The following NFIB variants were observed in gnomAD, a reference collection of about 807,000 sequenced individuals.
NFIB encodes the protein nuclear factor I B, also known as nuclear factor 1 B-type.
In NFIB, 11 loss-of-function variants were observed where a neutral mutation model predicts 61.5. The observed-to-expected ratio is 0.18, with a 90% CI of 0.11 to 0.30. NFIB has a LOEUF of 0.30. Among genes scored for constraint, NFIB ranks in the 10% least tolerant of loss-of-function variants. The pLI, the probability that NFIB is intolerant of heterozygous loss-of-function variation, is 1.00. For synonymous variants in NFIB, 260 were observed against 216.5 expected (o/e 1.20, Z -1.76); for missense variants, 471 against 608.9 (o/e 0.77, Z 2.38).
At chr9:14,245,901 T>A (rs1177108293) in intron 2 of NFIB, among the ~76,000 whole-genome samples, 2 of 151,730 alleles carry the variant, frequency 1.3e-5, no homozygotes, top group African/African-American at 4.8e-5. Flanking sequence ...TAAGTACACA[T>A]AAATTATAAA....
At chr9:14,481,195 G>GTATATATATATATA in the NFIB span, among the ~76,000 whole-genome samples, 7 of 35,058 alleles carry the variant, frequency 2.0e-4, no homozygotes, top group Middle Eastern at 0.031. Flanking sequence ...GTGTGTGTGT[G>GTATATATATATATA]TGTATATATA....
chr9:14,262,729 G>C (rs2056877832), intron 2 of NFIB, among the ~76,000 whole-genome samples: 1 of 152,224 alleles, frequency 6.6e-6, no homozygotes, highest in African/African-American at 2.4e-5. Context: ...AGAAAGAAAA[G>C]ATGTTCATAC....
In NFIB at chr9:14,082,231, A is replaced by G. The variant is rs1385554196; in HGVS notation, c.*6078T>C. ...CCTTTTGTAAAAAAATTTAATTAAA[A>G]TACAAGGTTCTGTATTTATGGCCCA... On this transcript the variant is annotated 3_prime_UTR_variant, in exon 11 of 11. Coordinates refer to ENST00000380953, the MANE Select transcript of NFIB (RefSeq NM_001190737.2). 4.9e-6 allele frequency: 1 copy of G among 204,308 alleles called. No homozygotes were observed. Among genetic ancestry groups the G allele is most frequent in the African/African-American group, 2.3e-5 (1 of 43,706 alleles). 12.7% of individuals were successfully genotyped at this position (204,308 alleles called of 1,614,324 possible).
intron 10 of NFIB, among the ~76,000 whole-genome samples, chr9:14,111,319 A>G (rs1253875441): frequency 6.6e-6 from 1 of 152,192 alleles, no homozygotes; most frequent in Non-Finnish European, 1.5e-5. Flanking sequence ...CATAAGGGAT[A>G]AGAAAATTAA....
At chr9:14,480,647 T>C in the NFIB span, among the ~76,000 whole-genome samples, 1 of 152,180 alleles carries the variant, frequency 6.6e-6, no homozygotes, top group African/African-American at 2.4e-5. Context: ...CTAATCAATG[T>C]AGCCGTTGAA....
intron 6 of NFIB, among the ~76,000 whole-genome samples, chr9:14,145,908 A>G (rs956953632): frequency 1.3e-5 from 2 of 152,016 alleles, no homozygotes; most frequent in East Asian, 3.9e-4. Flanking sequence ...AAGACAATTT[A>G]AAAATACATG....
At chr9:14,254,935 C>T (rs1465153851) in intron 2 of NFIB, among the ~76,000 whole-genome samples, 1 of 152,142 alleles carries the variant, frequency 6.6e-6, no homozygotes, top group Non-Finnish European at 1.5e-5. Context: ...AAAGTATTAG[C>T]TTATGAAAGC....
chr9:14,344,296 G>A (rs777258376), intron 1 of NFIB, among the ~76,000 whole-genome samples: 1 of 151,956 alleles, frequency 6.6e-6, no homozygotes, highest in Non-Finnish European at 1.5e-5. Context: ...GGGGGTGCGA[G>A]AGTGGGGTGA....
At chr9:14,509,022 T>C in the NFIB span, among the ~76,000 whole-genome samples, 2 of 152,160 alleles carry the variant, frequency 1.3e-5, no homozygotes, top group African/African-American at 4.8e-5. Context: ...CCCCAGGAAA[T>C]GGAATACATT....
intron 2 of NFIB, among the ~76,000 whole-genome samples, chr9:14,261,759 C>T (rs2056774920): frequency 6.6e-6 from 1 of 152,160 alleles, no homozygotes; most frequent in Non-Finnish European, 1.5e-5. Flanking sequence ...ACACAGCAGA[C>T]AATGGTTTGT....
At chr9:14,208,475 T>C (rs2049980449) in intron 2 of NFIB, among the ~76,000 whole-genome samples, 1 of 152,258 alleles carries the variant, frequency 6.6e-6, no homozygotes, top group Admixed American at 6.5e-5. Flanking sequence ...ACGACTAAAT[T>C]CATAAAAACA....
chr9:14,309,938 T>G (rs1367232743), intron 1 of NFIB, among the ~76,000 whole-genome samples: 5 of 152,220 alleles, frequency 3.3e-5, no homozygotes, highest in Non-Finnish European at 5.9e-5. Context: ...TTGCCATGCT[T>G]TTTAAAATGC....
chr9:14,444,954 T>C, the NFIB span, among the ~76,000 whole-genome samples: 1 of 152,142 alleles, frequency 6.6e-6, no homozygotes, highest in Non-Finnish European at 1.5e-5. Flanking sequence ...TCATAGATTG[T>C]TCAACTGTGC....
At chr9:14,214,383 T>A (rs1015285849) in intron 2 of NFIB, among the ~76,000 whole-genome samples, 1 of 152,248 alleles carries the variant, frequency 6.6e-6, no homozygotes, top group African/African-American at 2.4e-5. Flanking sequence ...TTGAAACTCT[T>A]AATTTTTGAA....
chr9:14,226,543 A>C (rs1263326037), intron 2 of NFIB, among the ~76,000 whole-genome samples: 1 of 147,734 alleles, frequency 6.8e-6, no homozygotes. Flanking sequence ...GCAAGACCCT[A>C]TCTCAGAAAA....
At position 14,139,063 on chromosome 9, in the gene NFIB, G is replaced by C. The variant is rs1420205410; in HGVS notation, c.925+7626C>G. 4.6e-5 allele frequency among the ~76,000 whole-genome samples: 7 copies of C among 152,098 alleles called. No homozygotes were observed. In the East Asian group the frequency reaches 1.4e-3, roughly 29 times the overall value. On this transcript the variant is annotated intron_variant, in intron 6 of 10. Coordinates refer to ENST00000380953, the MANE Select transcript of NFIB (RefSeq NM_001190737.2). ...GCTTTCCAAGAAAAGTGTCCCTCTGGGAAGACTTGCGAAGCAGTGTTTAAA... is the reference window on the plus strand; with the variant it reads ...GCTTTCCAAGAAAAGTGTCCCTCTGCGAAGACTTGCGAAGCAGTGTTTAAA...
the NFIB span, among the ~76,000 whole-genome samples, chr9:14,457,353 A>T: frequency 6.6e-6 from 1 of 152,160 alleles, no homozygotes; most frequent in Non-Finnish European, 1.5e-5. Flanking sequence ...GAACGAGTTG[A>T]TGTCAACACC....
At chr9:14,489,867 A>G in the NFIB span, among the ~76,000 whole-genome samples, 2 of 152,042 alleles carry the variant, frequency 1.3e-5, no homozygotes, top group Non-Finnish European at 2.9e-5. Context: ...ATACTGTCCT[A>G]TCCTTTCTAA....
upstream of NFIB, among the ~76,000 whole-genome samples, chr9:14,317,854 A>T (rs1306860884): frequency 1.3e-5 from 2 of 152,216 alleles, no homozygotes; most frequent in African/African-American, 4.8e-5. Flanking sequence ...TTTAAATCCC[A>T]GGTAGAAGGA....
Sources: allele counts gnomAD v4.1 joint callset (sites outside exome capture counted in the v4.1 genomes callset), GRCh38; gene constraint gnomAD v4.1.1; transcripts MANE v1.5; gene names NCBI Gene and HGNC (gene_info 2026-07-23, HGNC 2026-07-21).